Variants in CRB1 observed in about 807,000 individuals in gnomAD.
CRB1 encodes protein crumbs homolog 1.
A neutral mutation model predicts 120.0 loss-of-function variants in CRB1; 83 were observed. The observed-to-expected ratio is 0.69, with a 90% CI of 0.58 to 0.83. The LOEUF (loss-of-function observed/expected upper bound fraction) is 0.83, where lower values mean the gene tolerates loss of function less well. CRB1 is among the 40% of genes least tolerant of loss of function. The probability of loss-of-function intolerance (pLI) is 0.00; values close to 1 mark genes in which losing one functional copy is unlikely to be tolerated. For missense variants in CRB1, 1,699 were observed against 1,687.6 expected (o/e 1.01, Z -0.12); for synonymous variants, 625 against 612.5 (o/e 1.02, Z -0.30).
the CRB1 span, among the ~76,000 whole-genome samples, chr1:197,252,105 T>C: frequency 2.0e-5 from 3 of 151,942 alleles, no homozygotes; most frequent in Non-Finnish European, 4.4e-5. Flanking sequence ...TTCTAGGTAG[T>C]AAATATTTTA....
intron 11 of CRB1, among the ~76,000 whole-genome samples, chr1:197,456,028 A>G (rs1435061318): frequency 2.0e-5 from 3 of 152,218 alleles, no homozygotes; most frequent in Non-Finnish European, 4.4e-5. Context: ...ATTTGAATGT[A>G]TTTTAATTTA....
chr1:197,253,832 A>ATTGT, the CRB1 span, among the ~76,000 whole-genome samples: 1 of 152,096 alleles, frequency 6.6e-6, no homozygotes, highest in East Asian at 1.9e-4. Context: ...TTTTAAGGAA[A>ATTGT]TAACAGCTTT....
At chr1:197,225,761 CTGTTTCCTTTAAGCCCATATT>C in the CRB1 span, among the ~76,000 whole-genome samples, 1 of 152,228 alleles carries the variant, frequency 6.6e-6, no homozygotes, top group African/African-American at 2.4e-5. Context: ...GCAGGAACTG[CTGTTTCCTTTAAGCCCATATT>C]TTGAAGCTTT....
rs750573216 is a variant in CRB1, at chr1:197,442,258, A to ATGT, written c.3974_3976dup (p.Val1325dup). On this transcript the variant is annotated inframe_insertion, in exon 11 of 12. Transcript: ENST00000367400. ...CTCAACAAATTCCAGTGCCTCTGTG[A>ATGT]TGTTGCCTTTGCTGGCGAGCGCTGC... 29 of 1,614,040 alleles carry ATGT rather than the reference A, an allele frequency of 1.8e-5. No individual in the cohort carries two copies. Among genetic ancestry groups the ATGT allele is most frequent in the Admixed American group, 6.7e-5 (4 of 60,006 alleles).
intron 5 of CRB1, among the ~76,000 whole-genome samples, chr1:197,412,181 T>C (rs1349014405): frequency 2.0e-5 from 3 of 152,258 alleles, no homozygotes; most frequent in Admixed American, 1.3e-4. Context: ...CTAAGGATGG[T>C]CATTATTTTT....
the CRB1 span, among the ~76,000 whole-genome samples, chr1:197,234,075 A>G: frequency 6.6e-6 from 1 of 152,176 alleles, no homozygotes; most frequent in African/African-American, 2.4e-5. Context: ...ACAAGGAGGT[A>G]GTGTAGGGTA....
At chr1:197,442,412 T>C (rs1665498616) in intron 11 of CRB1, 120 bp downstream of exon 11, 1 of 1,602,350 alleles carries the variant, frequency 6.2e-7, no homozygotes, top group Non-Finnish European at 8.5e-7. Context: ...AACAGGAAGA[T>C]TATTAACATA....
At chr1:197,371,369 A>G (rs1361076451) in intron 5 of CRB1, among the ~76,000 whole-genome samples, 3 of 152,086 alleles carry the variant, frequency 2.0e-5, no homozygotes, top group Non-Finnish European at 2.9e-5. Flanking sequence ...GCCAAATCTC[A>G]TGGGGCCTTT....
rs752406879 is a variant in CRB1 at position 197,421,753 on chromosome 1, G to C, written c.1925G>C (p.Cys642Ser). 6.2e-7 allele frequency: 1 copy of C among 1,614,124 alleles called. No individual in the cohort carries two copies. ...NMPSTPSFVG[C>S]LQDIKIDWNH... The stretch of plus-strand genomic sequence containing the variant: ...CCATCCACACCTTCGTTTGTAGGCT[G>C]TCTCCAAGACATTAAAATTGATTGG... Residue 642 changes from cysteine (C) to serine (S), a missense_variant, in exon 6 of 12, where the codon TGT becomes TCT. By Grantham distance (112) the Cys-to-Ser change is moderately radical. Coordinates refer to ENST00000367400, the MANE Select transcript of CRB1 (RefSeq NM_201253.3).
chr1:197,457,174 C>G (rs191546102), intron 11 of CRB1, among the ~76,000 whole-genome samples: 2 of 152,180 alleles, frequency 1.3e-5, no homozygotes, highest in Admixed American at 1.3e-4. Flanking sequence ...TTTGGAGTGT[C>G]TTGTTGCCAT....
rs376992575 is a variant in CRB1, at chr1:197,477,911, C to A, written c.*32C>A. On this transcript the variant is annotated 3_prime_UTR_variant, in exon 12 of 12. Transcript: ENST00000367400. ...TGTGTCCCTTCGAGATGGGGATCCACACACTGTGAATGTGATGACTGTACT... is the reference window on the plus strand; with the variant it reads ...TGTGTCCCTTCGAGATGGGGATCCAAACACTGTGAATGTGATGACTGTACT... 18 of 1,594,278 alleles carry A rather than the reference C, an allele frequency of 1.1e-5. No homozygotes were observed. In the African/African-American group the frequency reaches 1.5e-4, roughly 13 times the overall value.
chr1:197,380,508 G>T (rs1320684985), intron 5 of CRB1, among the ~76,000 whole-genome samples: 2 of 152,138 alleles, frequency 1.3e-5, no homozygotes, highest in Non-Finnish European at 2.9e-5. Flanking sequence ...AAGCAGGAAG[G>T]TCAGTGAATT....
intron 1 of CRB1, among the ~76,000 whole-genome samples, chr1:197,291,049 C>A (rs940154927): frequency 1.3e-5 from 2 of 151,748 alleles, no homozygotes; most frequent in Admixed American, 6.6e-5. Context: ...ATGACAATCT[C>A]ACAGACTAGT....
chr1:197,438,692 C>A lies in CRB1; in HGVS notation c.3878+17C>A, dbSNP rs747719066. ...TGGAGAATGGTGAGTCACATTAGAG[C>A]CTTCTGGAAGAGAATTCTGAGCTAA... is the stretch of plus-strand genomic sequence containing the variant. On this transcript the variant is annotated intron_variant, in intron 10 of 11. Transcript: ENST00000367400. The A allele has an allele frequency of 2.5e-6, 4 of 1,610,734 alleles. No individual in the cohort carries two copies. The East Asian group carries it at 6.7e-5, about 27-fold the overall frequency.
intron 3 of CRB1, among the ~76,000 whole-genome samples, chr1:197,346,858 T>C (rs1659804997): frequency 6.6e-6 from 1 of 152,236 alleles, no homozygotes; most frequent in Admixed American, 6.5e-5. Context: ...GAGTTTTTCA[T>C]AATTTATGGT....
chr1:197,267,255 G>GA (rs1056411341), upstream of CRB1, among the ~76,000 whole-genome samples: 4 of 151,894 alleles, frequency 2.6e-5, no homozygotes, highest in South Asian at 8.3e-4. Flanking sequence ...ATGAGGGGAG[G>GA]AAAAAATCTT....
chr1:197,278,087 G>A (rs1430210370), intron 1 of CRB1, among the ~76,000 whole-genome samples: 1 of 151,940 alleles, frequency 6.6e-6, no homozygotes, highest in African/African-American at 2.4e-5. Context: ...TTGCTATAGT[G>A]AATGTTTGTC....
At chr1:197,287,786 A>G (rs1030749324) in intron 1 of CRB1, among the ~76,000 whole-genome samples, 9 of 151,928 alleles carry the variant, frequency 5.9e-5, no homozygotes, top group African/African-American at 2.2e-4. Context: ...AAACAAATCC[A>G]TACATTACAT....
intron 11 of CRB1, among the ~76,000 whole-genome samples, chr1:197,449,977 T>A (rs1361880603): frequency 6.6e-6 from 1 of 152,270 alleles, no homozygotes; most frequent in African/African-American, 2.4e-5. Context: ...ATTGCAAACG[T>A]CTCTCCTAGT....
Sources: gnomAD v4.1 joint callset for allele counts (sites outside exome capture counted in the v4.1 genomes callset) on GRCh38, gnomAD v4.1.1 for gene constraint, MANE v1.5 for transcripts, NCBI Gene and HGNC (gene_info 2026-07-23, HGNC 2026-07-21) for gene names.